GRAMD2B: variants seen among roughly 807,000 people sequenced by gnomAD.
GRAMD2B encodes GRAM domain-containing protein 2B.
In GRAMD2B, 41 loss-of-function variants were observed where a neutral mutation model predicts 59.2. That is an observed-to-expected ratio of 0.69 (90% CI 0.54 to 0.90). The LOEUF (loss-of-function observed/expected upper bound fraction) is 0.90. GRAMD2B is among the 40% of genes least tolerant of loss of function. The pLI is 0.00. For missense variants in GRAMD2B, 424 were observed against 500.5 expected (o/e 0.85, Z 1.46); for synonymous variants, 161 against 182.7 (o/e 0.88, Z 0.96).
At chr5:126,398,232 G>T (rs1229708411) in intron 1 of GRAMD2B, among the ~76,000 whole-genome samples, 2 of 151,710 alleles carry the variant, frequency 1.3e-5, no homozygotes, top group Non-Finnish European at 2.9e-5. Flanking sequence ...TGTTGCCCAG[G>T]CTGGTCCTGA....
upstream of GRAMD2B, among the ~76,000 whole-genome samples, chr5:126,367,244 T>C (rs1430694019): frequency 6.6e-6 from 1 of 152,222 alleles, no homozygotes; most frequent in African/African-American, 2.4e-5. Context: ...AAACACAGCA[T>C]AATTTATCAA....
intron 1 of GRAMD2B, among the ~76,000 whole-genome samples, chr5:126,375,558 G>A (rs1163652267): frequency 1.3e-5 from 2 of 151,970 alleles, no homozygotes; most frequent in African/African-American, 4.8e-5. Flanking sequence ...TTTTAATAGA[G>A]ACAGGGTTTC....
intron 1 of GRAMD2B, among the ~76,000 whole-genome samples, chr5:126,443,049 A>C (rs1475877157): frequency 6.6e-6 from 1 of 152,138 alleles, no homozygotes; most frequent in East Asian, 1.9e-4. Flanking sequence ...AGTACTGATA[A>C]ATTTACCACT....
At chr5:126,425,920 A>G (rs1472324704) in intron 1 of GRAMD2B, among the ~76,000 whole-genome samples, 1 of 152,094 alleles carries the variant, frequency 6.6e-6, no homozygotes, top group East Asian at 1.9e-4. Flanking sequence ...AGTTAGGAGG[A>G]ATAAGTTTTG....
chr5:126,403,884 G>T (rs1758040233), intron 1 of GRAMD2B, among the ~76,000 whole-genome samples: 1 of 151,670 alleles, frequency 6.6e-6, no homozygotes, highest in South Asian at 2.1e-4. Flanking sequence ...AACTTATAAA[G>T]TTCACAGTGG....
chr5:126,416,903 C>T (rs1177538444), intron 1 of GRAMD2B, among the ~76,000 whole-genome samples: 2 of 152,222 alleles, frequency 1.3e-5, no homozygotes, highest in Non-Finnish European at 2.9e-5. Flanking sequence ...CTTTACATCT[C>T]TTACTCATTG....
Position 126,480,055 on chromosome 5 carries a change from G to A in GRAMD2B, c.583-401G>A, listed in dbSNP as rs377022267. The stretch of plus-strand genomic sequence containing the variant: ...GTCAGAGCAGAGAAGGCGGACCCTC[G>A]GGAATTGTTAAATACCCTTAAAAAC... On this transcript the variant is annotated intron_variant, in intron 6 of 13. Coordinates refer to ENST00000285689, the MANE Select transcript of GRAMD2B (RefSeq NM_023927.4). 9.4e-5 allele frequency: 15 copies of A among 160,280 alleles called. No homozygotes were observed. The East Asian group carries it at 2.0e-3, about 22-fold the overall frequency. The allele number at this position is 160,280 out of a possible 1,614,324, so 9.9% of individuals were successfully genotyped here.
At chr5:126,431,134 G>T (rs149368979) in intron 1 of GRAMD2B, among the ~76,000 whole-genome samples, 214 of 151,930 alleles carry the variant, frequency 1.4e-3, no homozygotes, top group African/African-American at 4.5e-3. Flanking sequence ...TTTTTCTTAC[G>T]CTATTGTCAT....
intron 1 of GRAMD2B, among the ~76,000 whole-genome samples, chr5:126,408,714 G>A (rs1390613911): frequency 1.4e-5 from 2 of 148,098 alleles, no homozygotes; most frequent in African/African-American, 5.0e-5. Context: ...TATACTTTAA[G>A]TTTTAGGGTA....
Position 126,480,624 on chromosome 5 carries a change from C to T in GRAMD2B, c.655-3C>T, listed in dbSNP as rs1422737094. 6.2e-7 allele frequency: 1 copy of T among 1,613,774 alleles called. No individual in the cohort carries two copies. Among genetic ancestry groups the T allele is most frequent in the Non-Finnish European group, 8.5e-7 (1 of 1,179,708 alleles). The stretch of plus-strand genomic sequence containing the variant: ...GCTTTTCGTTTTGTTCCAATAATTT[C>T]AGAATACAAGTGTTGGTAACAGTCC... On this transcript the variant is annotated splice_polypyrimidine_tract_variant and splice_region_variant and intron_variant, in intron 7 of 13. Coordinates refer to ENST00000285689, the MANE Select transcript of GRAMD2B (RefSeq NM_023927.4).
chr5:126,391,981 C>A (rs190398833), intron 1 of GRAMD2B, among the ~76,000 whole-genome samples: 1 of 152,280 alleles, frequency 6.6e-6, no homozygotes, highest in East Asian at 1.9e-4. Context: ...CTTGGAAGTT[C>A]ATATTCTGTA....
chr5:126,445,522 A>T (rs56154004), intron 1 of GRAMD2B: 1 of 151,800 alleles, frequency 6.6e-6, no homozygotes, highest in African/African-American at 2.4e-5. Context: ...TTGCTGACAC[A>T]AAGTATTGAC....
At chr5:126,465,706 A>G (rs1355372323) in intron 2 of GRAMD2B, among the ~76,000 whole-genome samples, 161 bp downstream of exon 2, 1 of 152,180 alleles carries the variant, frequency 6.6e-6, no homozygotes, top group Non-Finnish European at 1.5e-5. Flanking sequence ...CCCAGGTAGC[A>G]TCTTTTTCTC....
intron 1 of GRAMD2B, among the ~76,000 whole-genome samples, chr5:126,411,529 G>A (rs542861215): frequency 2.0e-5 from 3 of 152,184 alleles, no homozygotes; most frequent in Middle Eastern, 3.4e-3. Context: ...TTTGAAATTA[G>A]GTGATTTGAT....
At chr5:126,363,034 A>G (rs1754287221) in intron 1 of GRAMD2B, among the ~76,000 whole-genome samples, 1 of 152,256 alleles carries the variant, frequency 6.6e-6, no homozygotes, top group Non-Finnish European at 1.5e-5. Context: ...AAGTGCAGAG[A>G]CATCCTATGA....
intron 1 of GRAMD2B, among the ~76,000 whole-genome samples, chr5:126,386,850 G>T (rs775817423): frequency 6.6e-6 from 1 of 152,132 alleles, no homozygotes; most frequent in Non-Finnish European, 1.5e-5. Context: ...CTGAAGAATT[G>T]TTATCACTAT....
At chr5:126,478,913 C>G (rs13154059) in intron 6 of GRAMD2B, among the ~76,000 whole-genome samples, 2 of 152,096 alleles carry the variant, frequency 1.3e-5, no homozygotes, top group African/African-American at 2.4e-5. Context: ...AAACTTGCAC[C>G]TGCTCTGCAA....
intron 1 of GRAMD2B, among the ~76,000 whole-genome samples, chr5:126,393,497 T>A (rs1486740133): frequency 1.3e-5 from 2 of 152,000 alleles, no homozygotes; most frequent in Non-Finnish European, 2.9e-5. Context: ...AATTCTTATT[T>A]AGCAGCAGCA....
chr5:126,436,686 T>C (rs1762466854), intron 1 of GRAMD2B, among the ~76,000 whole-genome samples: 1 of 152,180 alleles, frequency 6.6e-6, no homozygotes, highest in African/African-American at 2.4e-5. Flanking sequence ...TTCACTATAA[T>C]TTGAGCAATG....
Sources: gnomAD v4.1 joint callset for allele counts (sites outside exome capture counted in the v4.1 genomes callset) on GRCh38, gnomAD v4.1.1 for gene constraint, MANE v1.5 for transcripts, NCBI Gene and HGNC (gene_info 2026-07-23, HGNC 2026-07-21) for gene names.